Variants in GABRA3 observed in about 807,000 individuals in gnomAD.
The protein encoded by GABRA3 is gamma-aminobutyric acid type A receptor subunit alpha3.
Under a neutral mutation model 30.1 loss-of-function variants are expected in GABRA3, and 10 were observed. The observed-to-expected ratio is 0.33, with a 90% CI of 0.20 to 0.56. The LOEUF (loss-of-function observed/expected upper bound fraction) is 0.56. Among genes scored for constraint, GABRA3 ranks in the 20% least tolerant of loss-of-function variants. GABRA3 has a pLI of 0.89. For missense variants in GABRA3, 233 were observed against 392.0 expected, an observed-to-expected ratio of 0.59 and a Z score of 3.42; for synonymous variants, 151 against 146.8, an observed-to-expected ratio of 1.03 and a Z score of -0.21.
chrX:152,322,131 T>C (rs1201800873), intron 3 of GABRA3, among the ~76,000 whole-genome samples: 1 of 112,347 alleles, frequency 8.9e-6, no homozygotes, highest in Non-Finnish European at 1.9e-5. Flanking sequence ...GGTTTATCCA[T>C]ACAATAGAAT....
At chrX:152,197,898 C>T in intron 7 of GABRA3, 113 bp from the exon 8 acceptor site, 1 of 561,294 alleles carries the variant, frequency 1.8e-6, no homozygotes, top group Non-Finnish European at 2.8e-6. Context: ...ATTCCAGCAT[C>T]TCCCAAGTTC....
intron 1 of GABRA3, among the ~76,000 whole-genome samples, chrX:152,403,902 C>A (rs1051191429): frequency 9.0e-6 from 1 of 111,022 alleles, no homozygotes; most frequent in Non-Finnish European, 1.9e-5. Context: ...AGCAGAAGAG[C>A]CAAGAAATGA....
chrX:152,282,153 G>T (rs753180337), intron 4 of GABRA3, among the ~76,000 whole-genome samples: 42 of 111,846 alleles, frequency 3.8e-4, no homozygotes, highest in African/African-American at 1.3e-3. Flanking sequence ...TGTTCAAAGT[G>T]GCAGCGTAAT....
chrX:152,360,082 T>C (rs1569407288), intron 2 of GABRA3, among the ~76,000 whole-genome samples: 3 of 93,099 alleles, frequency 3.2e-5, no homozygotes, highest in African/African-American at 4.0e-5. Flanking sequence ...GACATTTGGG[T>C]TGGTTCCAAG....
chrX:152,228,231 G>A (rs1054771128), intron 5 of GABRA3, among the ~76,000 whole-genome samples: 56 of 111,722 alleles, frequency 5.0e-4, no homozygotes, highest in Non-Finnish European at 3.0e-4. Flanking sequence ...AGGGCAAGAA[G>A]ATCAGACAGC....
chrX:152,431,762 G>T (rs905446646), intron 1 of GABRA3, among the ~76,000 whole-genome samples: 1 of 111,630 alleles, frequency 9.0e-6, no homozygotes, highest in Non-Finnish European at 1.9e-5. Context: ...AGAGTGATAC[G>T]ATGTGAAAAC....
rs1007753738 is a variant in GABRA3 at position 152,202,802 on chromosome X, T to C, written c.779-5017A>G. The stretch of plus-strand genomic sequence containing the variant: ...ATATTCGAGATGTAAATTTTAAAAA[T>C]GGAAATAATGCAGCTCCTAAAAAAT... On this transcript the variant is annotated intron_variant, in intron 7 of 9. Coordinates refer to ENST00000370314, the MANE Select transcript of GABRA3 (RefSeq NM_000808.4). Among the ~76,000 whole-genome samples the C allele has an allele frequency of 1.5e-4, 17 of 112,173 alleles. No individual in the cohort carries two copies. The East Asian group carries it at 4.2e-3, about 28-fold the overall frequency.
chrX:152,442,144 A>G (rs1342001022), intron 1 of GABRA3, among the ~76,000 whole-genome samples: 2 of 111,720 alleles, frequency 1.8e-5, no homozygotes, highest in Non-Finnish European at 3.8e-5. Context: ...CTGAATAGAA[A>G]ATTCAGCAAA....
At chrX:152,427,414 C>G (rs1930539670) in intron 1 of GABRA3, among the ~76,000 whole-genome samples, 1 of 111,592 alleles carries the variant, frequency 9.0e-6, no homozygotes, top group South Asian at 3.8e-4. Flanking sequence ...AACCTTTTCC[C>G]TCTCCCTGGA....
At chrX:152,215,817 C>A (rs1040596917) in intron 6 of GABRA3, among the ~76,000 whole-genome samples, 1 of 110,977 alleles carries the variant, frequency 9.0e-6, no homozygotes, top group Non-Finnish European at 1.9e-5. Flanking sequence ...AGAAAATACA[C>A]AGAATGGGAA....
At chrX:152,373,589 A>T (rs1928900787) in intron 1 of GABRA3, among the ~76,000 whole-genome samples, 1 of 111,674 alleles carries the variant, frequency 9.0e-6, no homozygotes, top group Non-Finnish European at 1.9e-5. Flanking sequence ...GACTGGCGTA[A>T]GATGGTATCT....
At chrX:152,252,983 C>A (rs776384295) in intron 5 of GABRA3, among the ~76,000 whole-genome samples, 96 of 112,108 alleles carry the variant, frequency 8.6e-4, no homozygotes, top group African/African-American at 2.9e-3. Context: ...CCATGCTGAA[C>A]TTCAAGGCTC....
rs1268819781 is a variant in GABRA3, at chrX:152,238,904, C to G, written c.552-14059G>C. On this transcript the variant is annotated intron_variant, in intron 5 of 9. Coordinates refer to ENST00000370314, the MANE Select transcript of GABRA3 (RefSeq NM_000808.4). ...TCTCTTTTTTTCTTCATTAGCCTTG[C>G]TAGTGGTCTATCAATTTTGTTGATC... Among the ~76,000 whole-genome samples, 3 of 111,144 alleles carry G rather than the reference C, an allele frequency of 2.7e-5. No homozygotes were observed. The East Asian group carries it at 8.5e-4, about 31-fold the overall frequency.
intron 6 of GABRA3, among the ~76,000 whole-genome samples, chrX:152,210,892 T>C (rs1937623174): frequency 1.8e-5 from 2 of 111,447 alleles, no homozygotes; most frequent in Admixed American, 1.9e-4. Flanking sequence ...AGGAAAATCT[T>C]CTCAGAACCC....
At chrX:152,188,229 C>A (rs1210558312) in intron 9 of GABRA3, among the ~76,000 whole-genome samples, 3 of 110,502 alleles carry the variant, frequency 2.7e-5, no homozygotes, top group Admixed American at 1.9e-4. Flanking sequence ...GCACTTGTAC[C>A]CCTGAACTTA....
intron 3 of GABRA3, among the ~76,000 whole-genome samples, chrX:152,317,119 T>G (rs187288014): frequency 4.5e-5 from 5 of 111,669 alleles, no homozygotes; most frequent in Non-Finnish European, 9.4e-5. Flanking sequence ...GAGACTCACC[T>G]AACAAATAAG....
intron 5 of GABRA3, among the ~76,000 whole-genome samples, chrX:152,225,432 GCACACACACACACACA>G (rs60046142): frequency 1.0e-5 from 1 of 96,518 alleles, no homozygotes; most frequent in African/African-American, 3.8e-5. Context: ...ACACACACAC[GCACACACACACACACA>G]CACACACACG....
At chrX:152,291,530 C>A (rs759627563) in intron 3 of GABRA3, among the ~76,000 whole-genome samples, 22 of 111,468 alleles carry the variant, frequency 2.0e-4, no homozygotes, top group Non-Finnish European at 3.8e-4. Context: ...TTGCCCTGGC[C>A]AGAACTTTCA....
intron 3 of GABRA3, among the ~76,000 whole-genome samples, chrX:152,319,771 CAGTAG>C (rs753835073): frequency 1.8e-5 from 2 of 111,340 alleles, no homozygotes; most frequent in East Asian, 2.8e-4. Context: ...AAGGGACAGT[CAGTAG>C]AGTAAACAGA....
Sources: gnomAD v4.1 joint callset for allele counts (sites outside exome capture counted in the v4.1 genomes callset) on GRCh38, gnomAD v4.1.1 for gene constraint, MANE v1.5 for transcripts, NCBI Gene and HGNC (gene_info 2026-07-23, HGNC 2026-07-21) for gene names.